TSPAN8: variants seen among roughly 807,000 people sequenced by gnomAD.
TSPAN8 encodes tetraspanin-8.
TSPAN8 carries 21 observed loss-of-function variants against 32.8 expected under a neutral mutation model. The ratio of observed to expected loss-of-function variants is 0.64; its 90% CI spans 0.45 to 0.92. The LOEUF (loss-of-function observed/expected upper bound fraction) is 0.92, where lower values mean the gene tolerates loss of function less well. Ranked by LOEUF, TSPAN8 falls within the 40% of genes least tolerant of loss-of-function variation. The probability of loss-of-function intolerance (pLI) is 0.00; values close to 1 mark genes in which losing one functional copy is unlikely to be tolerated. For synonymous variants in TSPAN8, 95 were observed against 94.6 expected, an observed-to-expected ratio of 1.00 and a Z score of -0.03; for missense variants, 269 against 281.9, an observed-to-expected ratio of 0.95 and a Z score of 0.33.
intron 2 of TSPAN8, among the ~76,000 whole-genome samples, chr12:71,149,254 G>A (rs1441343086): frequency 6.6e-6 from 1 of 151,874 alleles, no homozygotes; most frequent in Non-Finnish European, 1.5e-5. Context: ...TGTAATCCCA[G>A]CTACTCAGGA....
chr12:71,142,959 G>C (rs1871953077), intron 3 of TSPAN8, among the ~76,000 whole-genome samples: 1 of 152,058 alleles, frequency 6.6e-6, no homozygotes, highest in African/African-American at 2.4e-5. Flanking sequence ...CTTTCCACTA[G>C]GCTGTGTTCA....
chr12:71,140,826 T>C (rs1458016903), intron 3 of TSPAN8, among the ~76,000 whole-genome samples: 1 of 152,188 alleles, frequency 6.6e-6, no homozygotes, highest in Non-Finnish European at 1.5e-5. Flanking sequence ...TTGCCTTCTA[T>C]AACCTCTATC....
At position 71,157,813 on chromosome 12, in the gene TSPAN8, G is replaced by A. The variant is rs920583107; in HGVS notation, c.-109-26C>T. 6.1e-6 allele frequency: 4 copies of A among 661,040 alleles called. No homozygotes were observed. The African/African-American group carries it at 7.3e-5, about 12-fold the overall frequency. The allele number at this position is 661,040 out of a possible 1,614,324, so 40.9% of individuals were successfully genotyped here. On this transcript the variant is annotated intron_variant, in intron 1 of 8. Coordinates refer to ENST00000247829, the MANE Select transcript of TSPAN8 (RefSeq NM_004616.3). ...CTTCAGAGCAGAAAGAGAAAGCAAA[G>A]AAGTAGAGGGAGGAATAAAAAGTTA...
rs183500834 is a variant in TSPAN8 at position 71,138,338 on chromosome 12, A to C, written c.262-108T>G. On this transcript the variant is annotated intron_variant, in intron 4 of 8. Transcript: ENST00000247829. ...ACAGCTGGGATTATATCACAGTGAG[A>C]GTGTCAGTCACACTCTTCATTTATT... is the stretch of plus-strand genomic sequence containing the variant. 44 of 1,055,548 alleles carry C rather than the reference A, an allele frequency of 4.2e-5. No individual in the cohort carries two copies. The African/African-American group carries it at 6.7e-4, about 16-fold the overall frequency. 65.4% of individuals were successfully genotyped at this position (1,055,548 alleles called of 1,614,324 possible). A position where few individuals can be genotyped will look rare whatever the true frequency, so the allele number is the denominator to read the frequency against.
At chr12:71,147,554 G>A (rs1297401479) in intron 2 of TSPAN8, among the ~76,000 whole-genome samples, 2 of 152,168 alleles carry the variant, frequency 1.3e-5, no homozygotes, top group South Asian at 2.1e-4. Context: ...CACTAGAGGC[G>A]ACTCCATGAT....
intron 2 of TSPAN8, among the ~76,000 whole-genome samples, chr12:71,148,637 T>G (rs1330404801): frequency 6.6e-6 from 1 of 152,332 alleles, no homozygotes; most frequent in East Asian, 1.9e-4. Context: ...TACAGCTTAT[T>G]TTGGGTTTCC....
chr12:71,149,978 A>C (rs1161823443), intron 2 of TSPAN8, among the ~76,000 whole-genome samples: 1 of 152,190 alleles, frequency 6.6e-6, no homozygotes, highest in Non-Finnish European at 1.5e-5. Flanking sequence ...TTCTTTTCCT[A>C]GAAAGGAATA....
intron 2 of TSPAN8, among the ~76,000 whole-genome samples, chr12:71,156,027 G>C (rs1056182754): frequency 6.6e-6 from 1 of 151,940 alleles, no homozygotes; most frequent in Non-Finnish European, 1.5e-5. Context: ...CACTGCGCCT[G>C]GTTGTGGTTA....
Position 71,157,744 on chromosome 12 carries a change from T to C in TSPAN8, c.-66A>G, listed in dbSNP as rs1297990020. The C allele has an allele frequency of 7.7e-7, 1 of 1,305,022 alleles. No individual in the cohort carries two copies. Among genetic ancestry groups the C allele is most frequent in the Non-Finnish European group, 1.1e-6 (1 of 900,956 alleles). 80.8% of individuals were successfully genotyped at this position (1,305,022 alleles called of 1,614,324 possible). A position where few individuals can be genotyped will look rare whatever the true frequency, so the allele number is the denominator to read the frequency against. ...TATTCGTTACAGGCTTGTCCTGCAA[T>C]ATGCTCTGGAGCAACTTGCCTGCAG... On this transcript the variant is annotated 5_prime_UTR_variant, in exon 2 of 9. The change creates a new upstream start codon in the 5' untranslated region. Transcript: ENST00000247829.
At chr12:71,153,354 G>T (rs1273357234) in intron 2 of TSPAN8, among the ~76,000 whole-genome samples, 2 of 152,168 alleles carry the variant, frequency 1.3e-5, no homozygotes, top group Non-Finnish European at 2.9e-5. Flanking sequence ...GAGTGATCAG[G>T]AATAACTTTC....
chr12:71,155,899 T>C (rs1221546867), intron 2 of TSPAN8, among the ~76,000 whole-genome samples: 1 of 151,870 alleles, frequency 6.6e-6, no homozygotes, highest in African/African-American at 2.4e-5. Context: ...GCCCGGCTAA[T>C]TTTTCATATT....
chr12:71,129,199 T>G, intron 8 of TSPAN8, 132 bp downstream of exon 8: 1 of 974,304 alleles, frequency 1.0e-6, no homozygotes. Context: ...CCAGTGCTTT[T>G]CTAAAGCATC....
intron 6 of TSPAN8, among the ~76,000 whole-genome samples, chr12:71,135,457 A>C (rs1300069952): frequency 2.0e-5 from 3 of 148,076 alleles, no homozygotes; most frequent in Non-Finnish European, 3.0e-5. Context: ...TCAGCAGAAG[A>C]AGCAGGAGAA....
chr12:71,146,699 T>C (rs892817368), intron 2 of TSPAN8, among the ~76,000 whole-genome samples: 1 of 152,218 alleles, frequency 6.6e-6, no homozygotes, highest in Non-Finnish European at 1.5e-5. Flanking sequence ...AGAATTGTTC[T>C]GGTTTTCATT....
chr12:71,136,974 GA>G (rs1871716827), intron 6 of TSPAN8, among the ~76,000 whole-genome samples: 1 of 152,040 alleles, frequency 6.6e-6, no homozygotes, highest in South Asian at 2.1e-4. Context: ...TGGAGGCTGA[GA>G]AAGAAAAAAA....
chr12:71,151,285 G>A (rs899654053), intron 2 of TSPAN8, among the ~76,000 whole-genome samples: 7 of 151,976 alleles, frequency 4.6e-5, no homozygotes, highest in South Asian at 4.2e-4. Flanking sequence ...GGATGGTCTC[G>A]ATCTCCTGAC....
At chr12:71,153,502 T>C (rs1165941467) in intron 2 of TSPAN8, among the ~76,000 whole-genome samples, 2 of 152,218 alleles carry the variant, frequency 1.3e-5, no homozygotes, top group African/African-American at 4.8e-5. Flanking sequence ...TAAGAGATAT[T>C]TTAACATCGG....
intron 2 of TSPAN8, among the ~76,000 whole-genome samples, chr12:71,144,924 TTAGTG>T (rs1872024793): frequency 6.6e-6 from 1 of 152,020 alleles, no homozygotes; most frequent in Non-Finnish European, 1.5e-5. Context: ...ACATTTTACT[TTAGTG>T]TAAGGAAAAC....
intron 2 of TSPAN8, among the ~76,000 whole-genome samples, chr12:71,146,580 C>G (rs1872085981): frequency 6.6e-6 from 1 of 152,150 alleles, no homozygotes; most frequent in Non-Finnish European, 1.5e-5. Flanking sequence ...AATGCCTGCT[C>G]TCTACTTTCG....
Sources: gnomAD v4.1 joint callset for allele counts (sites outside exome capture counted in the v4.1 genomes callset) on GRCh38, gnomAD v4.1.1 for gene constraint, MANE v1.5 for transcripts, NCBI Gene and HGNC (gene_info 2026-07-23, HGNC 2026-07-21) for gene names.